Variants in SLC39A11 observed in about 807,000 individuals in gnomAD.
SLC39A11 encodes zinc transporter ZIP11.
SLC39A11 carries 33 observed loss-of-function variants against 36.1 expected under a neutral mutation model. The ratio of observed to expected loss-of-function variants is 0.91; its 90% CI spans 0.69 to 1.22. SLC39A11 has a LOEUF of 1.22. SLC39A11 is among the 50% of genes most tolerant of loss of function. The pLI is 0.00. For missense variants in SLC39A11, 432 were observed against 430.3 expected, an observed-to-expected ratio of 1.00 and a Z score of -0.03; for synonymous variants, 166 against 170.3, an observed-to-expected ratio of 0.97 and a Z score of 0.20.
At chr17:72,933,153 T>C (rs1399038931) in intron 5 of SLC39A11, among the ~76,000 whole-genome samples, 1 of 152,216 alleles carries the variant, frequency 6.6e-6, no homozygotes, top group Non-Finnish European at 1.5e-5. Context: ...AAACTGTCAC[T>C]ATTCATAGAC....
chr17:72,949,050 A>T (rs980022180), intron 4 of SLC39A11, among the ~76,000 whole-genome samples: 1 of 149,408 alleles, frequency 6.7e-6, no homozygotes, highest in Non-Finnish European at 1.5e-5. Context: ...AGGCAGAATC[A>T]TCTCAATTGG....
chr17:72,828,214 G>A (rs905854236), intron 6 of SLC39A11, among the ~76,000 whole-genome samples: 2 of 152,244 alleles, frequency 1.3e-5, no homozygotes, highest in Non-Finnish European at 2.9e-5. Context: ...AAGGCACTAA[G>A]GTGGCTAACC....
At chr17:72,838,231 CTTTT>C (rs574382302) in intron 6 of SLC39A11, 152 of 293,302 alleles carry the variant, frequency 5.2e-4, no homozygotes, top group Middle Eastern at 8.8e-4. Flanking sequence ...CTTTCCTTTT[CTTTT>C]TTTTTTTTTT....
At chr17:72,725,465 T>C (rs1208436922) in intron 7 of SLC39A11, 1 of 152,188 alleles carries the variant, frequency 6.6e-6, no homozygotes, top group African/African-American at 2.4e-5. Flanking sequence ...GTTACTATTT[T>C]GAAAAATATC....
chr17:72,650,872 C>T (rs1356032636), intron 7 of SLC39A11, among the ~76,000 whole-genome samples: 1 of 152,126 alleles, frequency 6.6e-6, no homozygotes, highest in African/African-American at 2.4e-5. Context: ...CACTCGTGGC[C>T]CTGAAGGTCC....
At chr17:72,849,832 T>C in intron 5 of SLC39A11, 28 bp from the exon 6 acceptor site, 5 of 1,503,604 alleles carry the variant, frequency 3.3e-6, no homozygotes, top group Non-Finnish European at 4.4e-6. Flanking sequence ...AAAAGAGAGA[T>C]GGGGAAAGAC....
At chr17:72,707,658 C>T (rs2072947159) in intron 7 of SLC39A11, among the ~76,000 whole-genome samples, 1 of 152,160 alleles carries the variant, frequency 6.6e-6, no homozygotes, top group Non-Finnish European at 1.5e-5. Flanking sequence ...CACAAAGTCC[C>T]GATCATTCCC....
chr17:72,722,476 T>G (rs1373637588), intron 7 of SLC39A11, among the ~76,000 whole-genome samples: 1 of 152,048 alleles, frequency 6.6e-6, no homozygotes, highest in East Asian at 1.9e-4. Flanking sequence ...TTATGCAAGG[T>G]TTTCATATTG....
At chr17:72,785,193 T>C (rs766566536) in intron 6 of SLC39A11, among the ~76,000 whole-genome samples, 4 of 152,166 alleles carry the variant, frequency 2.6e-5, no homozygotes, top group Non-Finnish European at 5.9e-5. Context: ...TATTTCTTTA[T>C]AGCAATGCAA....
At chr17:72,926,571 A>C (rs1288557027) in intron 5 of SLC39A11, among the ~76,000 whole-genome samples, 2 of 152,156 alleles carry the variant, frequency 1.3e-5, no homozygotes, top group Admixed American at 6.5e-5. Context: ...AGAAAAACAT[A>C]AGATTGCCTT....
intron 7 of SLC39A11, among the ~76,000 whole-genome samples, chr17:72,669,989 CGT>C (rs1388218789): frequency 1.7e-5 from 2 of 118,820 alleles, no homozygotes; most frequent in Non-Finnish European, 3.6e-5. Flanking sequence ...CACATATATA[CGT>C]ATAGATGTAT....
intron 6 of SLC39A11, among the ~76,000 whole-genome samples, chr17:72,832,631 GAAAGAA>G: frequency 6.6e-6 from 1 of 152,208 alleles, no homozygotes; most frequent in African/African-American, 2.4e-5. Flanking sequence ...TTTAACCAGA[GAAAGAA>G]AAAGAAAATG....
intron 4 of SLC39A11, among the ~76,000 whole-genome samples, chr17:72,951,166 G>A (rs191237414): frequency 4.6e-4 from 69 of 151,442 alleles, no homozygotes; most frequent in African/African-American, 1.6e-3. Flanking sequence ...GGAGGCTGTG[G>A]CAGGAGGACT....
rs759955440 is a variant in SLC39A11, at chr17:72,900,148, GAAA to G, written c.430+47601_430+47603del. On this transcript the variant is annotated intron_variant, in intron 5 of 9. Coordinates refer to ENST00000255559, the MANE Select transcript of SLC39A11 (RefSeq NM_139177.4). The stretch of plus-strand genomic sequence containing the variant: ...AAAGAAAGAAAGAAAGAAAAAGAAA[GAAA>G]GAAAAGAAAGAAAGAAAGAAAGAAA... 2.7e-3 allele frequency among the ~76,000 whole-genome samples: 257 copies of G among 96,632 alleles called. 31 individuals are homozygous for G. Among genetic ancestry groups the G allele is most frequent in the African/African-American group, 0.01 (229 of 22,876 alleles). 63.4% of individuals were successfully genotyped at this position (96,632 alleles called of 152,430 possible).
At chr17:72,837,676 G>T (rs147876665) in intron 6 of SLC39A11, 3 of 173,852 alleles carry the variant, frequency 1.7e-5, no homozygotes, top group Non-Finnish European at 2.4e-5. Context: ...AACAAAACAC[G>T]GTGTATCCAT....
At chr17:72,673,993 G>A (rs1259610551) in intron 7 of SLC39A11, among the ~76,000 whole-genome samples, 3 of 152,120 alleles carry the variant, frequency 2.0e-5, no homozygotes, top group Non-Finnish European at 4.4e-5. Context: ...GCTTGAACCT[G>A]GGAGAAGGAG....
At chr17:73,048,690 T>C (rs576077041) in intron 3 of SLC39A11, among the ~76,000 whole-genome samples, 4 of 152,188 alleles carry the variant, frequency 2.6e-5, no homozygotes, top group Non-Finnish European at 5.9e-5. Flanking sequence ...AGGTGGAGCT[T>C]ATCTCCTAGG....
In SLC39A11 at chr17:72,647,665, G is replaced by A; in HGVS notation, c.930-3C>T. 1 of 1,613,282 alleles carries A rather than the reference G, an allele frequency of 6.2e-7. No homozygotes were observed. Among genetic ancestry groups the A allele is most frequent in the Non-Finnish European group, 8.5e-7 (1 of 1,179,452 alleles). On this transcript the variant is annotated splice_region_variant and splice_polypyrimidine_tract_variant and intron_variant, in intron 9 of 9. Transcript: ENST00000255559. ...AGGATGCCAGTTTCCCATTACCACTGGAAGAGAAGGACAGGAAGAAAAGTA... is the reference window on the plus strand; with the variant it reads ...AGGATGCCAGTTTCCCATTACCACTAGAAGAGAAGGACAGGAAGAAAAGTA...
Position 72,947,861 on chromosome 17 carries a change from G to A in SLC39A11, c.321C>T (p.Asp107=), listed in dbSNP as rs767363994. Residue 107 remains aspartate, a synonymous_variant, in exon 5 of 10, where the codon GAC becomes GAT. Transcript: ENST00000255559. ...AGTTCAGTGCCAGGGTCGTCTGGGG[G>A]TCTTCTGCTGCACCCTGAAACAAGA... The part of the protein sequence containing the change: ...LLMPHLGAAE[D]PQTTLALNFG... The A allele has an allele frequency of 1.2e-6, 2 of 1,613,836 alleles. No individual in the cohort carries two copies. The highest frequency in any genetic ancestry group is 1.7e-5 in the Admixed American group (1 of 60,014).
Sources: allele counts gnomAD v4.1 joint callset (sites outside exome capture counted in the v4.1 genomes callset), GRCh38; gene constraint gnomAD v4.1.1; transcripts MANE v1.5; gene names NCBI Gene and HGNC (gene_info 2026-07-23, HGNC 2026-07-21).